The following CLMN variants were observed in gnomAD, a reference collection of about 807,000 sequenced individuals.
CLMN encodes the protein calmin.
CLMN carries 57 observed loss-of-function variants against 92.7 expected under a neutral mutation model. That is an observed-to-expected ratio of 0.61 (90% CI 0.50 to 0.77). The LOEUF is 0.77. CLMN is among the 30% of genes least tolerant of loss of function. The pLI is 0.00. For missense variants in CLMN, 1,158 were observed against 1,237.5 expected, an observed-to-expected ratio of 0.94 and a Z score of 0.96; for synonymous variants, 466 against 470.6, an observed-to-expected ratio of 0.99 and a Z score of 0.13.
At chr14:95,197,357 G>A (rs1373026847) in intron 9 of CLMN, among the ~76,000 whole-genome samples, 1 of 150,314 alleles carries the variant, frequency 6.7e-6, no homozygotes, top group Non-Finnish European at 1.5e-5. Context: ...GAAGAAAAAA[G>A]AAGGAGAGAA....
In CLMN at chr14:95,262,116, G is replaced by C. The variant is rs191318718; in HGVS notation, c.83-31983C>G. ...GCAAATCAATCTGAACTCTCCACGT[G>C]TCTCCCCACATCGTTTGGACAGCCA... On this transcript the variant is annotated intron_variant, in intron 1 of 12. Transcript: ENST00000298912. Among the ~76,000 whole-genome samples the C allele has an allele frequency of 2.6e-5, 4 of 152,298 alleles. No individual in the cohort carries two copies. The East Asian group carries it at 7.7e-4, about 29-fold the overall frequency.
In CLMN at chr14:95,204,471, A is replaced by C. The variant is rs1896988519; in HGVS notation, c.886-8T>G. The C allele has an allele frequency of 6.4e-7, 1 of 1,552,636 alleles. No homozygotes were observed. The highest frequency in any genetic ancestry group is 8.7e-7 in the Non-Finnish European group (1 of 1,155,620). On this transcript the variant is annotated splice_region_variant and splice_polypyrimidine_tract_variant and intron_variant, in intron 8 of 12. Transcript: ENST00000298912. Reference sequence around the variant, plus strand: ...TGAATCGAAAATATCTTCCTGCAAAAAAAAACAAAAACAAACAAACAAAAA... The same window carrying C: ...TGAATCGAAAATATCTTCCTGCAAACAAAAACAAAAACAAACAAACAAAAA...
chr14:95,237,267 C>A (rs1181579693), intron 1 of CLMN, among the ~76,000 whole-genome samples: 2 of 152,230 alleles, frequency 1.3e-5, no homozygotes, highest in African/African-American at 4.8e-5. Context: ...GGGCGGAGTG[C>A]CTTTCGCAAT....
At chr14:95,237,845 T>C (rs1006142985) in intron 1 of CLMN, among the ~76,000 whole-genome samples, 1 of 152,160 alleles carries the variant, frequency 6.6e-6, no homozygotes. Flanking sequence ...CTCTGCTCTC[T>C]GGGAAACCCC....
intron 1 of CLMN, among the ~76,000 whole-genome samples, chr14:95,310,712 G>A (rs117671110): frequency 4.6e-5 from 7 of 152,314 alleles, no homozygotes; most frequent in South Asian, 2.1e-4. Context: ...AGGGCTGTGA[G>A]TTCTGTCCAG....
At position 95,205,743 on chromosome 14, in the gene CLMN, T is replaced by C. The variant is rs1897029680; in HGVS notation, c.886-1280A>G. Among the ~76,000 whole-genome samples the C allele has an allele frequency of 2.0e-5, 3 of 152,104 alleles. No homozygotes were observed. The South Asian group carries it at 6.2e-4, about 31-fold the overall frequency. ...CATTGTACTTGAAGTAGTATATTAA[T>C]TTAAGGTAAGCTGATGTATGTTAAA... is the stretch of plus-strand genomic sequence containing the variant. On this transcript the variant is annotated intron_variant, in intron 8 of 12. Transcript: ENST00000298912.
chr14:95,288,499 A>T (rs1417398707), intron 1 of CLMN, among the ~76,000 whole-genome samples: 1 of 152,206 alleles, frequency 6.6e-6, no homozygotes, highest in East Asian at 1.9e-4. Flanking sequence ...CAGCTGGAGC[A>T]CAGGGTTCTG....
At chr14:95,244,765 T>C (rs1462311579) in intron 1 of CLMN, among the ~76,000 whole-genome samples, 1 of 152,002 alleles carries the variant, frequency 6.6e-6, no homozygotes, top group East Asian at 2.0e-4. Context: ...GAGAACACAC[T>C]AGTGCGCTAA....
rs2140713030 is a variant in CLMN at position 95,267,140 on chromosome 14, T to C, written c.83-37007A>G. On this transcript the variant is annotated intron_variant, in intron 1 of 12. Coordinates refer to ENST00000298912, the MANE Select transcript of CLMN (RefSeq NM_024734.4). ...GGCAAAGATTTTTTGAAAAAGACCT[T>C]AAAAGAACAGGGAACAAAAGAAAAA... 1.3e-5 allele frequency among the ~76,000 whole-genome samples: 2 copies of C among 152,074 alleles called. 1 individual carries two copies. Among genetic ancestry groups the C allele is most frequent in the South Asian group, 4.1e-4 (2 of 4,822 alleles).
intron 1 of CLMN, among the ~76,000 whole-genome samples, chr14:95,318,540 G>A (rs181385797): frequency 7.2e-5 from 11 of 152,030 alleles, no homozygotes; most frequent in Non-Finnish European, 1.5e-4. Flanking sequence ...TTGACTGCTC[G>A]GCCATCCCCC....
At chr14:95,308,424 C>T (rs1424137787) in intron 1 of CLMN, among the ~76,000 whole-genome samples, 1 of 152,196 alleles carries the variant, frequency 6.6e-6, no homozygotes, top group Non-Finnish European at 1.5e-5. Flanking sequence ...CCCCATGTCC[C>T]CACATTCAAA....
At chr14:95,253,964 C>T (rs1898894798) in intron 1 of CLMN, among the ~76,000 whole-genome samples, 1 of 152,168 alleles carries the variant, frequency 6.6e-6, no homozygotes, top group Admixed American at 6.5e-5. Context: ...ATCCAAATGC[C>T]AACTGGAGAA....
intron 2 of CLMN, 108 bp from the exon 3 acceptor site, chr14:95,223,963 T>C: frequency 2.6e-6 from 2 of 776,802 alleles, no homozygotes; most frequent in Non-Finnish European, 4.2e-6. Context: ...AACATCCAGC[T>C]CTGTTTACAG....
chr14:95,274,251 T>C (rs1435167927), intron 1 of CLMN, among the ~76,000 whole-genome samples: 1 of 152,072 alleles, frequency 6.6e-6, no homozygotes, highest in Non-Finnish European at 1.5e-5. Flanking sequence ...TCCTCTGGTT[T>C]TGGTTTCCAT....
intron 9 of CLMN, among the ~76,000 whole-genome samples, chr14:95,201,922 T>C (rs145099174): frequency 5.3e-5 from 8 of 152,374 alleles, no homozygotes; most frequent in Non-Finnish European, 1.0e-4. Context: ...TTCTTTTTTA[T>C]GGCTGCATAG....
chr14:95,275,388 C>T (rs151080496), intron 1 of CLMN, among the ~76,000 whole-genome samples: 149 of 152,264 alleles, frequency 9.8e-4, no homozygotes, highest in African/African-American at 3.3e-3. Flanking sequence ...TTTGGCCATC[C>T]TGACTGCTCA....
intron 12 of CLMN, chr14:95,193,070 T>C (rs1896599060): frequency 6.6e-6 from 3 of 451,798 alleles, no homozygotes; most frequent in Admixed American, 3.9e-5. Context: ...TTGGGTAATA[T>C]TCAGACAGAG....
At chr14:95,246,435 T>G (rs1169208341) in intron 1 of CLMN, among the ~76,000 whole-genome samples, 1 of 152,208 alleles carries the variant, frequency 6.6e-6, no homozygotes, top group African/African-American at 2.4e-5. Flanking sequence ...GGGCCCTGCA[T>G]GGTGTGGCAC....
At chr14:95,239,484 G>C (rs1008543489) in intron 1 of CLMN, among the ~76,000 whole-genome samples, 1 of 152,208 alleles carries the variant, frequency 6.6e-6, no homozygotes, top group Non-Finnish European at 1.5e-5. Context: ...TAAACTCTCT[G>C]TTGAGAACCA....
Sources: allele counts gnomAD v4.1 joint callset (sites outside exome capture counted in the v4.1 genomes callset), GRCh38; gene constraint gnomAD v4.1.1; transcripts MANE v1.5; gene names NCBI Gene and HGNC (gene_info 2026-07-23, HGNC 2026-07-21).